Variants in KIF6 observed in about 807,000 individuals in gnomAD.
KIF6 encodes kinesin-like protein KIF6.
KIF6 carries 106 observed loss-of-function variants against 112.7 expected under a neutral mutation model. The ratio of observed to expected loss-of-function variants is 0.94; its 90% CI spans 0.80 to 1.11. KIF6 has a LOEUF of 1.11. Among genes scored for constraint, KIF6 ranks in the 50% least tolerant of loss-of-function variants. The pLI is 0.00. For synonymous variants in KIF6, 339 were observed against 339.9 expected (o/e 1.00, Z 0.03); for missense variants, 929 against 964.0 (o/e 0.96, Z 0.48).
intron 22 of KIF6, among the ~76,000 whole-genome samples, chr6:39,339,943 C>A (rs1321182811): frequency 6.6e-6 from 1 of 152,188 alleles, no homozygotes; most frequent in Non-Finnish European, 1.5e-5. Context: ...GTAACCAAGG[C>A]AGCGCTGTGA....
chr6:39,367,295 T>A (rs1001791053), intron 16 of KIF6, among the ~76,000 whole-genome samples: 14 of 152,152 alleles, frequency 9.2e-5, no homozygotes, highest in Admixed American at 2.6e-4. Flanking sequence ...GCATTTGAGT[T>A]TTGTAGGTCT....
chr6:39,417,965 A>C (rs920770113), intron 15 of KIF6, among the ~76,000 whole-genome samples: 4 of 149,688 alleles, frequency 2.7e-5, no homozygotes, highest in African/African-American at 9.9e-5. Context: ...GATGCTGACA[A>C]ATTGGCCCTG....
intron 16 of KIF6, among the ~76,000 whole-genome samples, chr6:39,384,752 C>CT (rs1767269371): frequency 6.6e-6 from 1 of 152,098 alleles, no homozygotes; most frequent in Non-Finnish European, 1.5e-5. Flanking sequence ...TCAAGGGGAA[C>CT]TTTTTTTGTC....
At chr6:39,581,381 A>G (rs1371338514) in intron 9 of KIF6, among the ~76,000 whole-genome samples, 1 of 151,336 alleles carries the variant, frequency 6.6e-6, no homozygotes, top group African/African-American at 2.4e-5. Flanking sequence ...TTGGCCATGC[A>G]CCTGACCTCA....
intron 13 of KIF6, among the ~76,000 whole-genome samples, chr6:39,531,624 T>C (rs1380757420): frequency 6.6e-6 from 1 of 152,112 alleles, no homozygotes; most frequent in Non-Finnish European, 1.5e-5. Context: ...TAGCCAACAA[T>C]GTCAATTGGG....
At chr6:39,451,592 T>C (rs1772706300) in intron 13 of KIF6, among the ~76,000 whole-genome samples, 1 of 152,184 alleles carries the variant, frequency 6.6e-6, no homozygotes, top group Admixed American at 6.5e-5. Context: ...GTGGAATCGA[T>C]TACACCTGTA....
intron 10 of KIF6, among the ~76,000 whole-genome samples, chr6:39,556,440 A>G (rs1779712358): frequency 6.6e-6 from 1 of 152,176 alleles, no homozygotes. Context: ...ATCATGACGA[A>G]GGCTGAATGA....
intron 10 of KIF6, among the ~76,000 whole-genome samples, chr6:39,570,405 T>C (rs531760688): frequency 6.6e-6 from 1 of 152,192 alleles, no homozygotes; most frequent in Non-Finnish European, 1.5e-5. Flanking sequence ...AAATATCCAG[T>C]GACTGGAATA....
chr6:39,346,317 G>A (rs2113915494), intron 20 of KIF6, 159 bp downstream of exon 20: 2 of 699,776 alleles, frequency 2.9e-6, no homozygotes, highest in East Asian at 2.7e-5. Context: ...GGTAGTAGAG[G>A]TGGGGCCTTT....
At chr6:39,659,256 G>A (rs1785982151) in intron 3 of KIF6, among the ~76,000 whole-genome samples, 1 of 152,106 alleles carries the variant, frequency 6.6e-6, no homozygotes, top group African/African-American at 2.4e-5. Flanking sequence ...AAGAGTATCT[G>A]GGCCAAGAAA....
intron 3 of KIF6, among the ~76,000 whole-genome samples, chr6:39,667,877 A>T (rs1312909687): frequency 1.3e-5 from 2 of 152,076 alleles, no homozygotes; most frequent in African/African-American, 4.8e-5. Flanking sequence ...CCAGTAATGG[A>T]GATAGAGCCT....
chr6:39,376,173 A>C (rs746073914), intron 16 of KIF6, among the ~76,000 whole-genome samples: 4 of 152,186 alleles, frequency 2.6e-5, no homozygotes, highest in Non-Finnish European at 5.9e-5. Flanking sequence ...GAACCAACTG[A>C]GATGTTATCT....
intron 3 of KIF6, among the ~76,000 whole-genome samples, chr6:39,677,446 C>G (rs1322596890): frequency 6.6e-6 from 1 of 151,842 alleles, no homozygotes; most frequent in Non-Finnish European, 1.5e-5. Flanking sequence ...AGGTTTGATC[C>G]AAATGGATAA....
intron 13 of KIF6, among the ~76,000 whole-genome samples, chr6:39,517,803 C>T (rs554838010): frequency 6.6e-6 from 1 of 152,278 alleles, no homozygotes; most frequent in Admixed American, 6.5e-5. Context: ...GTTTAACAGA[C>T]CTTGATGCAT....
rs977440896 is a variant in KIF6 at position 39,333,621 on chromosome 6, G to A, written c.*2911C>T. On this transcript the variant is annotated 3_prime_UTR_variant, in exon 23 of 23. Coordinates refer to ENST00000287152, the MANE Select transcript of KIF6 (RefSeq NM_145027.6). ...ATTAGTCAAAGTGGGCCATGACAAA[G>A]CTTTGGATGTGTAATTCTATACTGG... 6.6e-6 allele frequency: 1 copy of A among 152,240 alleles called. No individual in the cohort carries two copies. The highest frequency in any genetic ancestry group is 2.4e-5 in the African/African-American group (1 of 41,466). 9.4% of individuals were successfully genotyped at this position (152,240 alleles called of 1,614,324 possible).
intron 3 of KIF6, among the ~76,000 whole-genome samples, chr6:39,656,822 T>C: frequency 6.6e-6 from 1 of 152,356 alleles, no homozygotes; most frequent in South Asian, 2.1e-4. Context: ...AAGCTCTTTC[T>C]GACCACTTGC....
intron 13 of KIF6, among the ~76,000 whole-genome samples, chr6:39,463,724 T>G (rs1040357636): frequency 1.3e-5 from 2 of 152,230 alleles, no homozygotes; most frequent in Admixed American, 6.5e-5. Flanking sequence ...ACACATCTCT[T>G]CTGAGTCCCC....
chr6:39,621,346 T>C (rs573131785), intron 5 of KIF6, among the ~76,000 whole-genome samples: 14 of 152,178 alleles, frequency 9.2e-5, no homozygotes, highest in Non-Finnish European at 1.9e-4. Context: ...GATCAAAAGT[T>C]ATGAACAGCT....
At chr6:39,715,573 G>A (rs1789801468) in intron 2 of KIF6, among the ~76,000 whole-genome samples, 3 of 145,538 alleles carry the variant, frequency 2.1e-5, no homozygotes, top group Admixed American at 1.4e-4. Flanking sequence ...GCGCTATCTC[G>A]CCTCACTGCA....
Sources: allele counts gnomAD v4.1 joint callset (sites outside exome capture counted in the v4.1 genomes callset), GRCh38; gene constraint gnomAD v4.1.1; transcripts MANE v1.5; gene names NCBI Gene and HGNC (gene_info 2026-07-23, HGNC 2026-07-21).